Variants in RNF17 observed in about 807,000 individuals in gnomAD.
RNF17 encodes the protein ring finger protein 17.
A neutral mutation model predicts 200.5 loss-of-function variants in RNF17; 31 were observed. That is an observed-to-expected ratio of 0.15 (90% confidence interval 0.12 to 0.21). RNF17 has a LOEUF of 0.21. RNF17 is among the 10% of genes least tolerant of loss of function. The pLI, the probability that RNF17 is intolerant of heterozygous loss-of-function variation, is 1.00. For missense variants in RNF17, 1,628 were observed against 1,905.1 expected, an observed-to-expected ratio of 0.85 and a Z score of 2.71; for synonymous variants, 606 against 637.8, an observed-to-expected ratio of 0.95 and a Z score of 0.75.
intron 22 of RNF17, among the ~76,000 whole-genome samples, 179 bp downstream of exon 22, chr13:24,845,258 G>A (rs1228766563): frequency 2.0e-5 from 3 of 152,036 alleles, no homozygotes; most frequent in Non-Finnish European, 4.4e-5. Flanking sequence ...AATAGAGATA[G>A]GTGAGTATGA....
chr13:24,764,888 G>GGTGTGGGTGTGTGT lies in RNF17; in HGVS notation c.130+560_130+561insGGTGTGTGTGTGTG, dbSNP rs1555262370. Among the ~76,000 whole-genome samples the GGTGTGGGTGTGTGT allele has an allele frequency of 5.9e-4, 79 of 134,172 alleles. No homozygotes were observed. In the East Asian group the frequency reaches 0.014, roughly 24 times the overall value. 88.0% of individuals were successfully genotyped at this position (134,172 alleles called of 152,430 possible). A position where few individuals can be genotyped will look rare whatever the true frequency, so the allele number is the denominator to read the frequency against. On this transcript the variant is annotated intron_variant, in intron 1 of 35. Transcript: ENST00000255324. Reference sequence around the variant, plus strand: ...ATAGTTTCTTTTGTGCACCTTGTGGGGTGTGTGTGTGTGTGTGTGTGTGTG... The same window carrying GGTGTGGGTGTGTGT: ...ATAGTTTCTTTTGTGCACCTTGTGGGGTGTGGGTGTGTGTGTGTGTGTGTGTGTGTGTGTGTGTG...
At chr13:24,863,011 C>T (rs1893253336) in intron 28 of RNF17, among the ~76,000 whole-genome samples, 1 of 152,188 alleles carries the variant, frequency 6.6e-6, no homozygotes, top group Admixed American at 6.5e-5. Context: ...ATTAAAGTCA[C>T]TAATTTGAAA....
chr13:24,758,397 T>G, the RNF17 span, among the ~76,000 whole-genome samples: 1 of 152,194 alleles, frequency 6.6e-6, no homozygotes, highest in Non-Finnish European at 1.5e-5. Flanking sequence ...GACTAATAAC[T>G]TCTGTAATAG....
upstream of RNF17, among the ~76,000 whole-genome samples, chr13:24,760,451 T>G (rs912194297): frequency 2.6e-5 from 4 of 152,174 alleles, no homozygotes; most frequent in African/African-American, 9.7e-5. Flanking sequence ...TAGATCATTA[T>G]CTCACATTAT....
chr13:24,771,895 T>G (rs1880776420), intron 2 of RNF17, among the ~76,000 whole-genome samples: 1 of 151,888 alleles, frequency 6.6e-6, no homozygotes, highest in African/African-American at 2.4e-5. Flanking sequence ...TCCCAGATAC[T>G]CGGGAGGCTG....
intron 15 of RNF17, among the ~76,000 whole-genome samples, chr13:24,811,429 C>T (rs372566041): frequency 5.3e-5 from 8 of 152,164 alleles, no homozygotes; most frequent in South Asian, 2.1e-4. Flanking sequence ...TCCAGTTGAT[C>T]GCATCGGCTG....
At chr13:24,816,132 T>C (rs1887380221) in intron 15 of RNF17, among the ~76,000 whole-genome samples, 1 of 152,322 alleles carries the variant, frequency 6.6e-6, no homozygotes, top group East Asian at 1.9e-4. Context: ...ACTCCTGAGC[T>C]GAAGTGATCC....
At chr13:24,862,471 G>C (rs1469621696) in intron 27 of RNF17, among the ~76,000 whole-genome samples, 1 of 152,166 alleles carries the variant, frequency 6.6e-6, no homozygotes, top group Non-Finnish European at 1.5e-5. Context: ...GTGTGTGTGT[G>C]TGTGTTTTCT....
intron 1 of RNF17, 44 bp from the exon 2 acceptor site, chr13:24,767,228 A>G: frequency 7.8e-7 from 1 of 1,276,104 alleles, no homozygotes. Context: ...TGTCTCAATA[A>G]TCATCATCAT....
At chr13:24,885,209 GTGTTT>G in the RNF17 span, 2 of 1,055,658 alleles carry the variant, frequency 1.9e-6, no homozygotes, top group African/African-American at 3.1e-5. Context: ...TAGATTCTAT[GTGTTT>G]CAACTATTTT....
chr13:24,779,689 TTGA>T lies in RNF17; in HGVS notation c.456_458del (p.Asp152del), dbSNP rs764775407. On this transcript the variant is annotated inframe_deletion, in exon 5 of 36. Coordinates refer to ENST00000255324, the MANE Select transcript of RNF17 (RefSeq NM_031277.3). Reference sequence around the variant, plus strand: ...TAGGACACTAATACTGCAGAAGAAATTGATGAAGCATTGAATACAGCACACCAT... The same window carrying T: ...TAGGACACTAATACTGCAGAAGAAATTGAAGCATTGAATACAGCACACCAT... 4.1e-5 allele frequency: 66 copies of T among 1,613,368 alleles called. No individual in the cohort carries two copies. The highest frequency in any genetic ancestry group is 4.2e-5 in the Non-Finnish European group (50 of 1,179,522).
the RNF17 span, among the ~76,000 whole-genome samples, chr13:24,756,919 TG>T: frequency 1.3e-5 from 2 of 152,150 alleles, no homozygotes; most frequent in Non-Finnish European, 2.9e-5. Flanking sequence ...AACAAGGACT[TG>T]GAAGACACAT....
Position 24,829,873 on chromosome 13 carries a change from T to C in RNF17, c.2246-611T>C, listed in dbSNP as rs112292249. ...TTTGCAATATGCCCCAAGTACAATA[T>C]TTTTTCAAAATTTCACAGATACTGT... On this transcript the variant is annotated intron_variant, in intron 16 of 35. Transcript: ENST00000255324. Among the ~76,000 whole-genome samples the C allele has an allele frequency of 3.4e-3, 523 of 152,316 alleles. 1 individual carries two copies. Among genetic ancestry groups the C allele is most frequent in the African/African-American group, 0.012 (493 of 41,574 alleles).
chr13:24,826,479 T>C (rs1034072493), intron 16 of RNF17, among the ~76,000 whole-genome samples: 1 of 152,166 alleles, frequency 6.6e-6, no homozygotes, highest in Non-Finnish European at 1.5e-5. Flanking sequence ...CTTTTTTAAT[T>C]GAAAGAGTAA....
chr13:24,783,501 G>A (rs1882707641), intron 6 of RNF17, among the ~76,000 whole-genome samples: 1 of 152,102 alleles, frequency 6.6e-6, no homozygotes, highest in Non-Finnish European at 1.5e-5. Flanking sequence ...ATGATATTAA[G>A]TGTTCCAATC....
intron 10 of RNF17, among the ~76,000 whole-genome samples, chr13:24,795,455 T>C (rs1884452528): frequency 6.7e-6 from 1 of 150,042 alleles, no homozygotes; most frequent in South Asian, 2.1e-4. Context: ...AAACGTAGCA[T>C]ACCACTGTTT....
intron 20 of RNF17, among the ~76,000 whole-genome samples, chr13:24,844,321 G>A (rs1891005638): frequency 6.6e-6 from 1 of 152,110 alleles, no homozygotes; most frequent in Non-Finnish European, 1.5e-5. Context: ...GTGGTAGATG[G>A]TGATAAGGGA....
intron 14 of RNF17, among the ~76,000 whole-genome samples, chr13:24,803,046 G>A (rs1379249207): frequency 2.0e-5 from 3 of 151,118 alleles, no homozygotes; most frequent in Non-Finnish European, 4.4e-5. Flanking sequence ...GAGACACCCT[G>A]TCTGTAAAGA....
the RNF17 span, among the ~76,000 whole-genome samples, chr13:24,753,433 G>T: frequency 2.0e-5 from 3 of 152,168 alleles, no homozygotes; most frequent in Non-Finnish European, 4.4e-5. Context: ...GTGCTCAAAG[G>T]GCAGGAGAGC....
Sources: allele counts gnomAD v4.1 joint callset (sites outside exome capture counted in the v4.1 genomes callset), GRCh38; gene constraint gnomAD v4.1.1; transcripts MANE v1.5; gene names NCBI Gene and HGNC (gene_info 2026-07-23, HGNC 2026-07-21).